The following BTBD10 variants were observed in gnomAD, a reference collection of about 807,000 sequenced individuals.
BTBD10 encodes BTB domain containing 10.
Under a neutral mutation model 53.2 loss-of-function variants are expected in BTBD10, and 21 were observed. That is an observed-to-expected ratio of 0.39 (90% CI 0.28 to 0.57). The LOEUF (loss-of-function observed/expected upper bound fraction) is 0.57, where lower values mean the gene tolerates loss of function less well. Among genes scored for constraint, BTBD10 ranks in the 20% least tolerant of loss-of-function variants. The probability of loss-of-function intolerance (pLI) is 0.53; values close to 1 mark genes in which losing one functional copy is unlikely to be tolerated. For missense variants in BTBD10, 360 were observed against 594.7 expected (o/e 0.61, Z 4.10); for synonymous variants, 149 against 192.7 (o/e 0.77, Z 1.88).
chr11:13,445,566 T>A (rs1166668075), intron 1 of BTBD10, among the ~76,000 whole-genome samples: 1 of 152,184 alleles, frequency 6.6e-6, no homozygotes, highest in Non-Finnish European at 1.5e-5. Flanking sequence ...TCCTAATTAC[T>A]AAAAGTTTAA....
At chr11:13,438,492 T>C (rs1950584028) in intron 2 of BTBD10, among the ~76,000 whole-genome samples, 1 of 152,040 alleles carries the variant, frequency 6.6e-6, no homozygotes, top group African/African-American at 2.4e-5. Context: ...ACAAAATATG[T>C]ATGTACAAAA....
At chr11:13,436,883 G>A (rs148374947) in intron 2 of BTBD10, among the ~76,000 whole-genome samples, 397 of 152,228 alleles carry the variant, frequency 2.6e-3, no homozygotes, top group Admixed American at 4.7e-3. Context: ...CTGGGTTCAA[G>A]CAATTCTCGT....
At chr11:13,399,120 T>G (rs1309083309) in intron 8 of BTBD10, among the ~76,000 whole-genome samples, 2 of 152,246 alleles carry the variant, frequency 1.3e-5, no homozygotes, top group Non-Finnish European at 2.9e-5. Flanking sequence ...GAAGTTCTCC[T>G]GGATAATATC....
intron 2 of BTBD10, among the ~76,000 whole-genome samples, chr11:13,436,297 A>G (rs1950542507): frequency 6.6e-6 from 1 of 152,174 alleles, no homozygotes; most frequent in East Asian, 1.9e-4. Context: ...TCTTTGTTGT[A>G]AAAAGGCTGT....
At chr11:13,452,223 A>G (rs1950874897) in intron 1 of BTBD10, among the ~76,000 whole-genome samples, 1 of 152,220 alleles carries the variant, frequency 6.6e-6, no homozygotes, top group Middle Eastern at 3.2e-3. Flanking sequence ...AAGGTTACAT[A>G]CCATATGATT....
At chr11:13,396,804 G>C (rs1395989018) in intron 8 of BTBD10, among the ~76,000 whole-genome samples, 1 of 152,106 alleles carries the variant, frequency 6.6e-6, no homozygotes, top group Non-Finnish European at 1.5e-5. Flanking sequence ...ATAATCATGT[G>C]TTTTTTGTCT....
At chr11:13,404,253 C>T (rs1949769721) in intron 7 of BTBD10, among the ~76,000 whole-genome samples, 1 of 152,094 alleles carries the variant, frequency 6.6e-6, no homozygotes, top group Non-Finnish European at 1.5e-5. Context: ...ATCTCTAGCT[C>T]CTCAAATGAA....
At chr11:13,428,231 C>T (rs1471284457) in intron 2 of BTBD10, among the ~76,000 whole-genome samples, 1 of 151,996 alleles carries the variant, frequency 6.6e-6, no homozygotes, top group African/African-American at 2.4e-5. Flanking sequence ...TTTAAACCTA[C>T]AAAAAAGCTC....
rs554801414 is a variant in BTBD10, at chr11:13,416,669, T to C, written c.687+489A>G. 5.3e-5 allele frequency among the ~76,000 whole-genome samples: 8 copies of C among 152,278 alleles called. No individual in the cohort carries two copies. The East Asian group carries it at 1.2e-3, about 22-fold the overall frequency. ...AATTCATTTGCTTATATTGTATTAT[T>C]TGTATGTACTAAAATAAAGATGAGA... On this transcript the variant is annotated intron_variant, in intron 5 of 8. Transcript: ENST00000278174.
At chr11:13,416,094 G>A (rs1328995899) in intron 5 of BTBD10, among the ~76,000 whole-genome samples, 1 of 151,870 alleles carries the variant, frequency 6.6e-6, no homozygotes, top group East Asian at 2.0e-4. Flanking sequence ...GCTCACACCT[G>A]TAATTCTAGC....
At chr11:13,431,674 G>T (rs1469087313) in intron 2 of BTBD10, among the ~76,000 whole-genome samples, 1 of 152,004 alleles carries the variant, frequency 6.6e-6, no homozygotes, top group Non-Finnish European at 1.5e-5. Context: ...ATTGCTTCTT[G>T]GCCTTTTGGC....
At chr11:13,431,448 A>T (rs933518184) in intron 2 of BTBD10, among the ~76,000 whole-genome samples, 5 of 152,182 alleles carry the variant, frequency 3.3e-5, no homozygotes, top group African/African-American at 1.2e-4. Flanking sequence ...AAGCACCTCT[A>T]GTTACATAAA....
chr11:13,425,093 A>T (rs1422424857), intron 2 of BTBD10, among the ~76,000 whole-genome samples: 5 of 152,206 alleles, frequency 3.3e-5, no homozygotes, highest in Admixed American at 3.3e-4. Flanking sequence ...GGACACTATG[A>T]AAAGAAGCTG....
intron 5 of BTBD10, among the ~76,000 whole-genome samples, chr11:13,414,661 AAAT>A (rs1950052151): frequency 6.6e-6 from 1 of 150,944 alleles, no homozygotes; most frequent in African/African-American, 2.4e-5. Flanking sequence ...CTCAAAATAA[AAAT>A]AATAAAAAAA....
rs559969755 is a variant in BTBD10, at chr11:13,406,552, C to T, written c.809-696G>A. On this transcript the variant is annotated intron_variant, in intron 6 of 8. Transcript: ENST00000278174. The stretch of plus-strand genomic sequence containing the variant: ...TAAAGAAGCAACCATGGCAACCATA[C>T]GCATGAGTGAGAGAGAGAGAGAGAG... Among the ~76,000 whole-genome samples, 19 of 147,774 alleles carry T rather than the reference C, an allele frequency of 1.3e-4. No homozygotes were observed. The East Asian group carries it at 1.4e-3, about 11-fold the overall frequency.
intron 4 of BTBD10, among the ~76,000 whole-genome samples, chr11:13,418,386 C>T (rs550763990): frequency 1.3e-5 from 2 of 152,120 alleles, no homozygotes; most frequent in South Asian, 4.1e-4. Context: ...AATATGAACA[C>T]TTTAAAACGT....
At chr11:13,455,619 T>C (rs748502987) in intron 1 of BTBD10, among the ~76,000 whole-genome samples, 9 of 152,178 alleles carry the variant, frequency 5.9e-5, no homozygotes, top group Non-Finnish European at 1.2e-4. Flanking sequence ...TTTTCTACTA[T>C]GACCAAAAAG....
rs766550897 is a variant in BTBD10, at chr11:13,463,110, C to T, written c.-76G>A. 1.3e-3 allele frequency: 201 copies of T among 152,702 alleles called. No homozygotes were observed. The highest frequency in any genetic ancestry group is 1.8e-3 in the Non-Finnish European group (125 of 68,372). 9.5% of individuals were successfully genotyped at this position (152,702 alleles called of 1,614,324 possible). ...CACTCACTCTCGAACCTGTAGTCCCCCTTCAGTGCCCACACAAGATTGGGG... is the reference window on the plus strand; with the variant it reads ...CACTCACTCTCGAACCTGTAGTCCCTCTTCAGTGCCCACACAAGATTGGGG... On this transcript the variant is annotated 5_prime_UTR_variant, in exon 1 of 9. Transcript: ENST00000278174.
At chr11:13,401,510 G>C (rs372167012) in intron 8 of BTBD10, among the ~76,000 whole-genome samples, 1 of 152,220 alleles carries the variant, frequency 6.6e-6, no homozygotes, top group African/African-American at 2.4e-5. Context: ...TTTCACAGAG[G>C]TTCCAAGAAG....
Sources: gnomAD v4.1 joint callset for allele counts (sites outside exome capture counted in the v4.1 genomes callset) on GRCh38, gnomAD v4.1.1 for gene constraint, MANE v1.5 for transcripts, NCBI Gene and HGNC (gene_info 2026-07-23, HGNC 2026-07-21) for gene names.